Variants in SKAP2 observed in about 807,000 individuals in gnomAD.
The protein encoded by SKAP2 is src kinase associated phosphoprotein 2.
SKAP2 carries 28 observed loss-of-function variants against 54.9 expected under a neutral mutation model. That is an observed-to-expected ratio of 0.51 (90% CI 0.38 to 0.70). SKAP2 has a LOEUF of 0.70. Among genes scored for constraint, SKAP2 ranks in the 30% least tolerant of loss-of-function variants. The pLI is 0.00. For synonymous variants in SKAP2, 137 were observed against 134.3 expected (o/e 1.02, Z -0.14); for missense variants, 356 against 424.1 (o/e 0.84, Z 1.41).
At chr7:26,843,387 A>T (rs541194545) in intron 4 of SKAP2, among the ~76,000 whole-genome samples, 1 of 152,210 alleles carries the variant, frequency 6.6e-6, no homozygotes, top group South Asian at 2.1e-4. Context: ...TAACAGAGAA[A>T]GTACATACTA....
At chr7:26,667,000 A>T (rs1786114991), downstream of SKAP2, 1 of 152,214 alleles carries the variant, frequency 6.6e-6, no homozygotes, top group Non-Finnish European at 1.5e-5. Flanking sequence ...ACTATTTTCC[A>T]AATTAATCAT....
chr7:26,694,728 A>G (rs1312301681), intron 9 of SKAP2, among the ~76,000 whole-genome samples: 1 of 151,926 alleles, frequency 6.6e-6, no homozygotes, highest in Admixed American at 6.6e-5. Flanking sequence ...TGAGTTAAGC[A>G]AAGAGAGGAA....
chr7:26,668,385 G>GATTATT lies in SKAP2; in HGVS notation c.*1280_*1281insAATAAT, dbSNP rs1786153727. ...CTCTGATTTCAAATATACATGAAAA[G>GATTATT]GTAATTATATGATTCTACAAATCTT... On this transcript the variant is annotated 3_prime_UTR_variant, in exon 13 of 13. Coordinates refer to ENST00000345317, the MANE Select transcript of SKAP2 (RefSeq NM_003930.5). The GATTATT allele has an allele frequency of 6.6e-6, 1 of 152,054 alleles. No individual in the cohort carries two copies. The highest frequency in any genetic ancestry group is 1.5e-5 in the Non-Finnish European group (1 of 68,004). The allele number at this position is 152,054 out of a possible 1,614,324, so 9.4% of individuals were successfully genotyped here.
At chr7:26,718,402 T>G (rs995541390) in intron 9 of SKAP2, among the ~76,000 whole-genome samples, 4 of 152,054 alleles carry the variant, frequency 2.6e-5, no homozygotes, top group African/African-American at 9.7e-5. Flanking sequence ...ATATGTATAT[T>G]TAAAAATAGG....
chr7:26,854,268 G>A, intron 2 of SKAP2, 106 bp from the exon 3 acceptor site: 1 of 608,600 alleles, frequency 1.6e-6, no homozygotes, highest in South Asian at 2.6e-5. Context: ...TACACACCTA[G>A]ATATACATTA....
At chr7:26,785,162 C>T (rs144853123) in intron 4 of SKAP2, among the ~76,000 whole-genome samples, 274 of 152,082 alleles carry the variant, frequency 1.8e-3, no homozygotes, top group African/African-American at 4.7e-3. Flanking sequence ...AAGATCATGC[C>T]TTTAGGATCC....
intron 9 of SKAP2, among the ~76,000 whole-genome samples, chr7:26,722,861 C>A (rs1787608759): frequency 6.6e-6 from 1 of 152,160 alleles, no homozygotes; most frequent in Non-Finnish European, 1.5e-5. Context: ...ATAATAAATG[C>A]TTAGATTTCT....
Position 26,755,290 on chromosome 7 carries a change from A to G in SKAP2, c.308-15326T>C, listed in dbSNP as rs567625048. Among the ~76,000 whole-genome samples, 6 of 152,106 alleles carry G rather than the reference A, an allele frequency of 3.9e-5. 1 individual carries two copies. Among genetic ancestry groups the G allele is most frequent in the African/African-American group, 1.5e-4 (6 of 41,366 alleles). On this transcript the variant is annotated intron_variant, in intron 4 of 12. Coordinates refer to ENST00000345317, the MANE Select transcript of SKAP2 (RefSeq NM_003930.5). ...GGATGCTGAAATATGGAAATTTAAGACTTAGTCCAATTCTTTCTCACCAAC... is the reference window on the plus strand; with the variant it reads ...GGATGCTGAAATATGGAAATTTAAGGCTTAGTCCAATTCTTTCTCACCAAC...
chr7:26,737,269 T>C (rs911621592), intron 6 of SKAP2, among the ~76,000 whole-genome samples: 5 of 152,328 alleles, frequency 3.3e-5, no homozygotes, highest in Middle Eastern at 3.4e-3. Context: ...TAATCGTAAC[T>C]GAACTTGGAC....
the SKAP2 span, among the ~76,000 whole-genome samples, chr7:26,658,710 T>A: frequency 6.6e-6 from 1 of 152,130 alleles, no homozygotes; most frequent in East Asian, 1.9e-4. Flanking sequence ...AGAGAATAGG[T>A]AATGCAAATG....
intron 11 of SKAP2, among the ~76,000 whole-genome samples, chr7:26,682,505 C>T (rs1372807690): frequency 6.6e-6 from 1 of 152,182 alleles, no homozygotes; most frequent in Non-Finnish European, 1.5e-5. Flanking sequence ...AACACTGAAC[C>T]TTATTCAGCC....
chr7:26,745,367 T>C (rs191329320), intron 4 of SKAP2, among the ~76,000 whole-genome samples: 11 of 152,356 alleles, frequency 7.2e-5, no homozygotes, highest in Admixed American at 4.6e-4. Context: ...TTCTCAACCA[T>C]ACAACCATAT....
intron 6 of SKAP2, among the ~76,000 whole-genome samples, chr7:26,728,347 T>C (rs1412105181): frequency 6.6e-6 from 1 of 152,166 alleles, no homozygotes; most frequent in Non-Finnish European, 1.5e-5. Flanking sequence ...TCAGGCCTTC[T>C]TGGAGCCCTT....
At chr7:26,834,927 A>G (rs1784674498) in intron 4 of SKAP2, among the ~76,000 whole-genome samples, 1 of 152,240 alleles carries the variant, frequency 6.6e-6, no homozygotes, top group South Asian at 2.1e-4. Context: ...CCTGATGAAC[A>G]TTGATGTAAA....
chr7:26,719,338 A>G (rs1787529445), intron 9 of SKAP2, among the ~76,000 whole-genome samples: 1 of 152,166 alleles, frequency 6.6e-6, no homozygotes, highest in Admixed American at 6.5e-5. Flanking sequence ...GTCTAACTCC[A>G]GGGGCAGAGA....
At chr7:26,805,525 T>C (rs1054543013) in intron 4 of SKAP2, among the ~76,000 whole-genome samples, 1 of 152,092 alleles carries the variant, frequency 6.6e-6, no homozygotes, top group Non-Finnish European at 1.5e-5. Context: ...TAGCTTCTAC[T>C]CGGCTCTTTC....
intron 11 of SKAP2, among the ~76,000 whole-genome samples, chr7:26,670,667 A>T (rs1786207872): frequency 6.6e-6 from 1 of 151,334 alleles, no homozygotes; most frequent in Admixed American, 6.6e-5. Context: ...ATGATTTAGA[A>T]TGTTGATAGA....
chr7:26,830,699 T>A (rs1446165801), intron 4 of SKAP2, among the ~76,000 whole-genome samples: 2 of 152,168 alleles, frequency 1.3e-5, no homozygotes, highest in Non-Finnish European at 2.9e-5. Context: ...ATGTTATTTT[T>A]AAATCTATAG....
chr7:26,822,786 G>C (rs1784408314), intron 4 of SKAP2, among the ~76,000 whole-genome samples: 1 of 152,006 alleles, frequency 6.6e-6, no homozygotes, highest in Admixed American at 6.5e-5. Flanking sequence ...GGGAGGCTGA[G>C]GCAGGAGAAT....
Sources: allele counts gnomAD v4.1 joint callset (sites outside exome capture counted in the v4.1 genomes callset), GRCh38; gene constraint gnomAD v4.1.1; transcripts MANE v1.5; gene names NCBI Gene and HGNC (gene_info 2026-07-23, HGNC 2026-07-21).